Variants in ERBB4 observed in about 807,000 individuals in gnomAD.
ERBB4 encodes receptor tyrosine-protein kinase erbB-4.
In ERBB4, 42 loss-of-function variants were observed where a neutral mutation model predicts 158.0. That is an observed-to-expected ratio of 0.27 (90% CI 0.21 to 0.34). The LOEUF is 0.34. ERBB4 is among the 10% of genes least tolerant of loss of function. The probability of loss-of-function intolerance (pLI) is 1.00; values close to 1 mark genes in which losing one functional copy is unlikely to be tolerated. For missense variants in ERBB4, 1,333 were observed against 1,624.1 expected, an observed-to-expected ratio of 0.82 and a Z score of 3.08; for synonymous variants, 583 against 558.7, an observed-to-expected ratio of 1.04 and a Z score of -0.61.
chr2:212,315,400 C>T (rs560666481), intron 1 of ERBB4, among the ~76,000 whole-genome samples: 11 of 151,478 alleles, frequency 7.3e-5, no homozygotes, highest in Non-Finnish European at 1.3e-4. Context: ...GACACACATA[C>T]ACAAGTATAC....
chr2:212,080,477 T>G (rs902980727), intron 2 of ERBB4, among the ~76,000 whole-genome samples: 1 of 151,698 alleles, frequency 6.6e-6, no homozygotes, highest in African/African-American at 2.4e-5. Flanking sequence ...ATAATGGTTA[T>G]TCAGTCTCAT....
At chr2:212,087,889 CT>C (rs1317067361) in intron 2 of ERBB4, among the ~76,000 whole-genome samples, 1 of 148,560 alleles carries the variant, frequency 6.7e-6, no homozygotes, top group Non-Finnish European at 1.5e-5. Flanking sequence ...ACTTTAGTTC[CT>C]TTTTCTGTTA....
Position 211,383,529 on chromosome 2 carries a change from G to T in ERBB4, c.*86C>A, listed in dbSNP as rs920954478. ...GAAGTGTCAAAACTACTGGCCTTGG[G>T]GTAGAAGGAAGACCACCAGAGAAAG... On this transcript the variant is annotated 3_prime_UTR_variant, in exon 28 of 28. Transcript: ENST00000342788. 3.0e-5 allele frequency: 33 copies of T among 1,108,624 alleles called. 1 individual carries two copies. The highest frequency in any genetic ancestry group is 5.7e-4 in the Middle Eastern group (2 of 3,536). 68.7% of individuals were successfully genotyped at this position (1,108,624 alleles called of 1,614,324 possible).
intron 16 of ERBB4, among the ~76,000 whole-genome samples, chr2:211,641,533 C>T (rs2070590983): frequency 6.6e-6 from 1 of 152,026 alleles, no homozygotes; most frequent in Admixed American, 6.6e-5. Flanking sequence ...ATTCTTGTGC[C>T]TTAATGCCAT....
At chr2:212,197,274 T>C (rs1182020792) in intron 1 of ERBB4, among the ~76,000 whole-genome samples, 1 of 152,172 alleles carries the variant, frequency 6.6e-6, no homozygotes, top group Non-Finnish European at 1.5e-5. Flanking sequence ...AGATTCGCAA[T>C]AAGTGGGAAC....
chr2:212,055,303 C>T (rs1280558389), intron 2 of ERBB4, among the ~76,000 whole-genome samples: 2 of 152,192 alleles, frequency 1.3e-5, no homozygotes, highest in African/African-American at 4.8e-5. Flanking sequence ...GGCCAGGAAG[C>T]TCGAACTGGG....
chr2:211,768,799 T>A (rs1198028528), intron 4 of ERBB4, among the ~76,000 whole-genome samples: 1 of 143,162 alleles, frequency 7.0e-6, no homozygotes, highest in African/African-American at 2.5e-5. Context: ...AGGGTTGCCA[T>A]GAAGACCTCT....
intron 20 of ERBB4, among the ~76,000 whole-genome samples, chr2:211,457,806 C>CT (rs2064420769): frequency 6.6e-6 from 1 of 152,208 alleles, no homozygotes. Context: ...TTTATCCTAA[C>CT]TTTCTTCTAT....
At chr2:211,983,157 G>A (rs182088347) in intron 2 of ERBB4, among the ~76,000 whole-genome samples, 30 of 152,270 alleles carry the variant, frequency 2.0e-4, no homozygotes, top group African/African-American at 6.5e-4. Flanking sequence ...AAGGTGGAAA[G>A]AATTTATGTG....
At chr2:212,367,087 C>A (rs533368874) in intron 1 of ERBB4, among the ~76,000 whole-genome samples, 3 of 151,916 alleles carry the variant, frequency 2.0e-5, no homozygotes, top group Admixed American at 2.0e-4. Context: ...ATAACTACAC[C>A]CCCAAAACCC....
At chr2:212,501,236 A>G (rs924019199) in intron 1 of ERBB4, among the ~76,000 whole-genome samples, 7 of 152,200 alleles carry the variant, frequency 4.6e-5, no homozygotes, top group African/African-American at 7.2e-5. Flanking sequence ...CAATCCTAGC[A>G]TGAAAAGAAT....
At chr2:211,785,103 T>A (rs71409857) in intron 4 of ERBB4, among the ~76,000 whole-genome samples, 29,827 of 145,552 alleles carry the variant, frequency 0.2, 3,255 homozygotes, top group Admixed American at 0.29. Flanking sequence ...CTTTTTTTTT[T>A]TTTTTTTTTT....
At chr2:212,252,252 G>GAATT (rs2084565826) in intron 1 of ERBB4, among the ~76,000 whole-genome samples, 1 of 151,990 alleles carries the variant, frequency 6.6e-6, no homozygotes, top group South Asian at 2.1e-4. Flanking sequence ...AGGTATCCTA[G>GAATT]AATTAATCCC....
At chr2:211,801,885 G>A (rs1219245867) in intron 3 of ERBB4, among the ~76,000 whole-genome samples, 1 of 152,136 alleles carries the variant, frequency 6.6e-6, no homozygotes, top group Non-Finnish European at 1.5e-5. Context: ...AGAAAATTAA[G>A]CTCTGGTGAT....
chr2:212,493,817 G>A (rs1201266163), intron 1 of ERBB4, among the ~76,000 whole-genome samples: 1 of 151,414 alleles, frequency 6.6e-6, no homozygotes, highest in Non-Finnish European at 1.5e-5. Flanking sequence ...CAGAATTTTT[G>A]TTAATCGATT....
rs2084580660 is a variant in ERBB4, at chr2:212,252,615, A to T, written c.83-127712T>A. 2.6e-5 allele frequency among the ~76,000 whole-genome samples: 4 copies of T among 152,058 alleles called. No homozygotes were observed. The South Asian group carries it at 8.3e-4, about 31-fold the overall frequency. On this transcript the variant is annotated intron_variant, in intron 1 of 27. Coordinates refer to ENST00000342788, the MANE Select transcript of ERBB4 (RefSeq NM_005235.3). ...TAAGACTTGTTTTTTCTTGGAAAGG[A>T]AAGAAATCAGGATGTAGCCAGGGGA...
intron 1 of ERBB4, among the ~76,000 whole-genome samples, chr2:212,319,064 A>G (rs1484350325): frequency 2.6e-5 from 4 of 151,530 alleles, no homozygotes; most frequent in African/African-American, 9.7e-5. Context: ...CACCTCCAAT[A>G]CCTCAGGACT....
intron 20 of ERBB4, among the ~76,000 whole-genome samples, chr2:211,444,750 C>G (rs1004437519): frequency 3.3e-5 from 5 of 152,028 alleles, no homozygotes; most frequent in Non-Finnish European, 5.9e-5. Flanking sequence ...ATGTGCTGAA[C>G]ACTCTGCTAA....
intron 1 of ERBB4, among the ~76,000 whole-genome samples, chr2:212,401,783 C>T (rs1044673990): frequency 1.9e-4 from 29 of 151,908 alleles, no homozygotes; most frequent in Admixed American, 1.9e-3. Flanking sequence ...GTAAGGCTCT[C>T]AGTAAAACTA....
Sources: allele counts gnomAD v4.1 joint callset (sites outside exome capture counted in the v4.1 genomes callset), GRCh38; gene constraint gnomAD v4.1.1; transcripts MANE v1.5; gene names NCBI Gene and HGNC (gene_info 2026-07-23, HGNC 2026-07-21).